RYR1: variants seen among roughly 807,000 people sequenced by gnomAD.
RYR1 encodes the protein central core disease of muscle.
In RYR1, 342 loss-of-function variants were observed where a neutral mutation model predicts 583.5. The ratio of observed to expected loss-of-function variants is 0.59; its 90% CI spans 0.54 to 0.64. The LOEUF is 0.64. Among genes scored for constraint, RYR1 ranks in the 30% least tolerant of loss-of-function variants. The pLI is 0.00. For synonymous variants in RYR1, 2,791 were observed against 2,822.5 expected (o/e 0.99, Z 0.35); for missense variants, 6,032 against 6,917.2 (o/e 0.87, Z 4.54).
At chr19:38,464,074 C>G (rs530128794) in intron 22 of RYR1, among the ~76,000 whole-genome samples, 6 of 151,682 alleles carry the variant, frequency 4.0e-5, no homozygotes, top group African/African-American at 2.4e-5. Flanking sequence ...GTCAGCAGTT[C>G]GAGACCAGTC....
At chr19:38,466,486 C>CTGAGT in intron 24 of RYR1, 88 bp downstream of exon 24, 1 of 1,279,756 alleles carries the variant, frequency 7.8e-7, no homozygotes, top group Non-Finnish European at 1.1e-6. Context: ...GACTCAGCCC[C>CTGAGT]CAAATGGGCT....
At chr19:38,471,401 G>A (rs1413227247) in intron 27 of RYR1, among the ~76,000 whole-genome samples, 3 of 152,120 alleles carry the variant, frequency 2.0e-5, no homozygotes, top group African/African-American at 7.2e-5. Context: ...ATGGTGGTAT[G>A]TGCCTGTGGT....
At chr19:38,470,173 A>C (rs1968345778) in intron 27 of RYR1, among the ~76,000 whole-genome samples, 1 of 152,066 alleles carries the variant, frequency 6.6e-6, no homozygotes, top group African/African-American at 2.4e-5. Context: ...TCTCAAAAAA[A>C]AAAAAAAGTT....
chr19:38,435,040 C>T (rs879599129), intron 1 of RYR1, among the ~76,000 whole-genome samples: 2 of 152,084 alleles, frequency 1.3e-5, no homozygotes, highest in Non-Finnish European at 2.9e-5. Context: ...CACCATGGGT[C>T]GGGCCCTCCC....
In RYR1 at chr19:38,485,944, G is replaced by C. The variant is rs376482004; in HGVS notation, c.5289G>C (p.Pro1763=). The C allele has an allele frequency of 6.2e-7, 1 of 1,613,694 alleles. No homozygotes were observed. Among genetic ancestry groups the C allele is most frequent in the South Asian group, 1.1e-5 (1 of 91,090 alleles). The stretch of plus-strand genomic sequence containing the variant: ...ATGGTCACCCCCGGCATGGCCTGCC[G>C]GGAGTTGGAGTCACCACTTCGCTGA... ...TENGHPRHGL[P]GVGVTTSLRP... is the part of the protein sequence containing the mutation. Residue 1763 remains proline, a synonymous_variant, in exon 34 of 106, where the codon CCG becomes CCC. Transcript: ENST00000359596.
intron 105 of RYR1, 131 bp from the exon 106 acceptor site, chr19:38,587,194 G>A (rs1974532386): frequency 1.4e-6 from 1 of 699,550 alleles, no homozygotes; most frequent in East Asian, 2.8e-5. Context: ...GGAGGCTGTA[G>A]TGAGCTGTGA....
At chr19:38,523,183 C>T (rs1289091913) in intron 68 of RYR1, 34 bp from the exon 69 acceptor site, 5 of 1,614,246 alleles carry the variant, frequency 3.1e-6, no homozygotes, top group East Asian at 2.2e-5. Flanking sequence ...CCTGCCTTCA[C>T]CTGTCCGGTC....
chr19:38,517,147 G>A (rs1185350254), intron 65 of RYR1, among the ~76,000 whole-genome samples: 1 of 152,046 alleles, frequency 6.6e-6, no homozygotes, highest in Non-Finnish European at 1.5e-5. Context: ...AGACAGGCTC[G>A]GGGGTGTGAA....
In RYR1 at chr19:38,563,430, A is replaced by C. The variant is rs1973244637; in HGVS notation, c.12625-1529A>C. The stretch of plus-strand genomic sequence containing the variant: ...CAGCCATGTGCAACCATGCCCACCT[A>C]ATTTTTATATTTTCAGTAGAGGCGG... On this transcript the variant is annotated intron_variant, in intron 90 of 105. Coordinates refer to ENST00000359596, the MANE Select transcript of RYR1 (RefSeq NM_000540.3). Among the ~76,000 whole-genome samples, 3 of 152,134 alleles carry C rather than the reference A, an allele frequency of 2.0e-5. No individual in the cohort carries two copies. In the East Asian group the frequency reaches 5.8e-4, roughly 29 times the overall value.
intron 67 of RYR1, 44 bp downstream of exon 67, chr19:38,519,498 C>A: frequency 6.4e-7 from 1 of 1,559,840 alleles, no homozygotes; most frequent in Non-Finnish European, 8.7e-7. Flanking sequence ...CCCCGACCTC[C>A]CACGTCCTCC....
At chr19:38,450,313 C>T (rs1967008079) in intron 11 of RYR1, among the ~76,000 whole-genome samples, 1 of 151,966 alleles carries the variant, frequency 6.6e-6, no homozygotes, top group South Asian at 2.1e-4. Context: ...GACAGATTGG[C>T]TGTGGGGTGA....
intron 63 of RYR1, among the ~76,000 whole-genome samples, chr19:38,513,993 A>G (rs967908360): frequency 2.0e-5 from 3 of 152,144 alleles, no homozygotes; most frequent in Non-Finnish European, 4.4e-5. Context: ...GATTTTTTTA[A>G]AAGAAATTCA....
At position 38,504,873 on chromosome 19, in the gene RYR1, T is replaced by C; in HGVS notation, c.8193T>C (p.Ala2731=). ...CAGAGAAAAAGGCCACAGTGGATGC[T>C]GAAGGCAACTTTGATCCCCGGCCTG... ...SKAEKKATVD[A]EGNFDPRPVE... The change falls in exon 51 of 106, where the codon GCT becomes GCC. Residue 2731 remains alanine, a synonymous_variant. Coordinates refer to ENST00000359596, the MANE Select transcript of RYR1 (RefSeq NM_000540.3). The C allele has an allele frequency of 6.2e-7, 1 of 1,614,118 alleles. No individual in the cohort carries two copies. The highest frequency in any genetic ancestry group is 1.1e-5 in the South Asian group (1 of 91,080).
rs1380447970 is a variant in RYR1, at chr19:38,517,549, C to T, written c.9876C>T (p.Pro3292=). 5 of 1,613,808 alleles carry T rather than the reference C, an allele frequency of 3.1e-6. No homozygotes were observed. Among genetic ancestry groups the T allele is most frequent in the Non-Finnish European group, 2.5e-6 (3 of 1,179,818 alleles). The stretch of plus-strand genomic sequence containing the variant: ...GGTGGGAGCGCGGGCCCGAGGCACC[C>T]CCTTCCGCCCTGCCCGCCGGCGCCC... ...PRWWERGPEA[P]PSALPAGAPP... Residue 3292 remains proline (P), a synonymous_variant, in exon 66 of 106, where the codon CCC becomes CCT. Coordinates refer to ENST00000359596, the MANE Select transcript of RYR1 (RefSeq NM_000540.3).
At chr19:38,535,445 C>A in intron 81 of RYR1, 53 bp downstream of exon 81, 1 of 1,322,234 alleles carries the variant, frequency 7.6e-7, no homozygotes, top group Non-Finnish European at 1.1e-6. Context: ...CCACTGCCAC[C>A]CCACTCCTGG....
At chr19:38,452,757 G>A (rs1473219250) in intron 12 of RYR1, 62 bp from the exon 13 acceptor site, 6 of 1,465,242 alleles carry the variant, frequency 4.1e-6, no homozygotes, top group East Asian at 2.5e-5. Context: ...GTGAGGTTGC[G>A]GCAGTGACGT....
In RYR1 at chr19:38,463,153, C is replaced by CG. The variant is rs1277451802; in HGVS notation, c.2578-270_2578-269insG. ...CCTCAGGCGATCTGCCCCCCCCCCC[C>CG]CCACTTAGCCTCCCAAAGTGCTGGG... On this transcript the variant is annotated intron_variant, in intron 20 of 105. Coordinates refer to ENST00000359596, the MANE Select transcript of RYR1 (RefSeq NM_000540.3). Among the ~76,000 whole-genome samples, 18 of 78,186 alleles carry CG rather than the reference C, an allele frequency of 2.3e-4. 2 individuals are homozygous for CG. The South Asian group carries it at 7.4e-3, about 32-fold the overall frequency. The allele number at this position is 78,186 out of a possible 152,430, so 51.3% of individuals were successfully genotyped here. A position where few individuals can be genotyped will look rare whatever the true frequency, so the allele number is the denominator to read the frequency against.
chr19:38,439,944 G>A (rs959039299), intron 1 of RYR1, among the ~76,000 whole-genome samples: 1 of 152,168 alleles, frequency 6.6e-6, no homozygotes, highest in African/African-American at 2.4e-5. Flanking sequence ...AGAGAATTTA[G>A]AGAAAGATGA....
At chr19:38,459,390 G>A (rs780617996) in intron 19 of RYR1, 52 bp downstream of exon 19, 7 of 1,547,972 alleles carry the variant, frequency 4.5e-6, no homozygotes, top group Non-Finnish European at 5.3e-6. Flanking sequence ...GGACTGACCT[G>A]AGACAGCTTC....
Sources: gnomAD v4.1 joint callset for allele counts (sites outside exome capture counted in the v4.1 genomes callset) on GRCh38, gnomAD v4.1.1 for gene constraint, MANE v1.5 for transcripts, NCBI Gene and HGNC (gene_info 2026-07-23, HGNC 2026-07-21) for gene names.